YES1: variants seen among roughly 807,000 people sequenced by gnomAD.
YES1 encodes the protein tyrosine-protein kinase Yes.
A neutral mutation model predicts 70.4 loss-of-function variants in YES1; 39 were observed. The ratio of observed to expected loss-of-function variants is 0.55; its 90% confidence interval spans 0.43 to 0.72. YES1 has a LOEUF of 0.72. Ranked by LOEUF, YES1 falls within the 30% of genes least tolerant of loss-of-function variation. The pLI, the probability that YES1 is intolerant of heterozygous loss-of-function variation, is 0.00. For missense variants in YES1, 495 were observed against 644.8 expected (o/e 0.77, Z 2.52); for synonymous variants, 198 against 218.6 (o/e 0.91, Z 0.83).
chr18:762,095 C>T (rs551956902), intron 1 of YES1, among the ~76,000 whole-genome samples: 1 of 137,290 alleles, frequency 7.3e-6, no homozygotes, highest in East Asian at 2.1e-4. Context: ...CCAGGGTGGG[C>T]GGATCACCTG....
At chr18:776,350 C>G (rs1314424348) in intron 1 of YES1, among the ~76,000 whole-genome samples, 1 of 152,098 alleles carries the variant, frequency 6.6e-6, no homozygotes, top group Non-Finnish European at 1.5e-5. Flanking sequence ...CATGCCACCA[C>G]GCCTGGCCAA....
chr18:756,782 A>AT lies in YES1; in HGVS notation c.45dup (p.Tyr16IlefsTer4). 1.2e-6 allele frequency: 2 copies of AT among 1,614,172 alleles called. No homozygotes were observed. The highest frequency in any genetic ancestry group is 1.7e-6 in the Non-Finnish European group (2 of 1,180,020). On this transcript the variant is annotated frameshift_variant, in exon 2 of 12. Coordinates refer to ENST00000314574, the MANE Select transcript of YES1 (RefSeq NM_005433.4). LOFTEE classifies it high-confidence loss of function. ...GGCTCTGGAGTATTTTCAGGTCTGT[A>AT]TTTAATGGCTGGACTTTTGTTTTCT...
chr18:756,499 T>C (rs540086231), intron 2 of YES1, 58 bp downstream of exon 2: 3 of 1,584,388 alleles, frequency 1.9e-6, no homozygotes, highest in Non-Finnish European at 2.6e-6. Context: ...GCCTTAAGTA[T>C]ATATTACCCA....
chr18:731,929 T>G lies in YES1; in HGVS notation c.1423+905A>C, dbSNP rs1429601020. Reference sequence around the variant, plus strand: ...CTGCAGTGAGCTGAGATCGTGCCACTGCACTCCAGCCTGGGCGACAGAGCG... The same window carrying G: ...CTGCAGTGAGCTGAGATCGTGCCACGGCACTCCAGCCTGGGCGACAGAGCG... On this transcript the variant is annotated intron_variant, in intron 11 of 11. Coordinates refer to ENST00000314574, the MANE Select transcript of YES1 (RefSeq NM_005433.4). Among the ~76,000 whole-genome samples the G allele has an allele frequency of 3.9e-5, 5 of 128,016 alleles. No individual in the cohort carries two copies. In the East Asian group the frequency reaches 1.2e-3, roughly 32 times the overall value. 84.0% of individuals were successfully genotyped at this position (128,016 alleles called of 152,430 possible).
chr18:746,298 G>A lies in YES1; in HGVS notation c.471-247C>T, dbSNP rs140865222. On this transcript the variant is annotated intron_variant, in intron 4 of 11. Coordinates refer to ENST00000314574, the MANE Select transcript of YES1 (RefSeq NM_005433.4). ...CAATGTGTCTCTCAAAACTCCACCT[G>A]ACAGTCACAGGAACAGTAGAGAGGG... 6.4e-4 allele frequency among the ~76,000 whole-genome samples: 98 copies of A among 152,208 alleles called. 1 individual carries two copies. Among genetic ancestry groups the A allele is most frequent in the Admixed American group, 1.4e-3 (22 of 15,292 alleles).
At chr18:781,414 G>C (rs1193186677) in intron 1 of YES1, among the ~76,000 whole-genome samples, 1 of 151,792 alleles carries the variant, frequency 6.6e-6, no homozygotes, top group Non-Finnish European at 1.5e-5. Flanking sequence ...CGCTTGGCTT[G>C]TGACTACTCA....
intron 1 of YES1, among the ~76,000 whole-genome samples, chr18:771,549 A>C (rs1394536304): frequency 6.6e-6 from 1 of 152,134 alleles, no homozygotes; most frequent in Non-Finnish European, 1.5e-5. Context: ...TTTACATTTC[A>C]AGAAAGAAAA....
chr18:732,445 A>C (rs995404227), intron 11 of YES1, among the ~76,000 whole-genome samples: 1 of 144,952 alleles, frequency 6.9e-6, no homozygotes, highest in Non-Finnish European at 1.5e-5. Context: ...TAAAAAAAAA[A>C]AAAAAAAAAA....
chr18:742,399 G>T (rs1213103874), intron 8 of YES1, among the ~76,000 whole-genome samples: 1 of 151,362 alleles, frequency 6.6e-6, no homozygotes, highest in East Asian at 1.9e-4. Context: ...AGGGAGGACT[G>T]CCTGAGGCCA....
At chr18:800,772 A>C (rs1906779712) in intron 1 of YES1, among the ~76,000 whole-genome samples, 1 of 152,142 alleles carries the variant, frequency 6.6e-6, no homozygotes, top group African/African-American at 2.4e-5. Context: ...ACAAGGCTGG[A>C]GGTGGTGGCT....
intron 2 of YES1, 61 bp downstream of exon 2, chr18:756,496 G>C: frequency 6.3e-7 from 1 of 1,582,442 alleles, no homozygotes; most frequent in Non-Finnish European, 8.6e-7. Flanking sequence ...CAAGCCTTAA[G>C]TATATATTAC....
At chr18:796,675 T>C (rs985042193) in intron 1 of YES1, among the ~76,000 whole-genome samples, 6 of 152,096 alleles carry the variant, frequency 3.9e-5, no homozygotes, top group African/African-American at 1.4e-4. Context: ...GGAGAATCAC[T>C]TGAACCCGGG....
chr18:792,614 C>CAT (rs1217260146), intron 1 of YES1, among the ~76,000 whole-genome samples: 1 of 149,018 alleles, frequency 6.7e-6, no homozygotes, highest in African/African-American at 2.5e-5. Context: ...TATATACATA[C>CAT]ATATATATAC....
chr18:745,355 G>C (rs532315037), intron 6 of YES1, among the ~76,000 whole-genome samples: 1 of 152,274 alleles, frequency 6.6e-6, no homozygotes, highest in African/African-American at 2.4e-5. Context: ...TAATCCTTCT[G>C]ACATAGCTTT....
At chr18:756,049 T>A (rs574377415) in intron 2 of YES1, among the ~76,000 whole-genome samples, 1 of 152,206 alleles carries the variant, frequency 6.6e-6, no homozygotes, top group Non-Finnish European at 1.5e-5. Context: ...ACTTACTATC[T>A]GTGACTTGGG....
Position 723,070 on chromosome 18 carries a change from C to A in YES1, c.*1354G>T, listed in dbSNP as rs17551255. ...TCGCGCCACTGCACTCCAGCCTGGG[C>A]GACAGAGCGAGACTCCGTCTCAAAA... is the stretch of plus-strand genomic sequence containing the variant. On this transcript the variant is annotated 3_prime_UTR_variant, in exon 12 of 12. Transcript: ENST00000314574. The A allele has an allele frequency of 1.3e-5, 2 of 151,924 alleles. No individual in the cohort carries two copies. Among genetic ancestry groups the A allele is most frequent in the East Asian group, 1.9e-4 (1 of 5,146 alleles). 9.4% of individuals were successfully genotyped at this position (151,924 alleles called of 1,614,324 possible).
chr18:749,858 CAAAA>C (rs5822576), intron 3 of YES1, among the ~76,000 whole-genome samples: 2 of 116,536 alleles, frequency 1.7e-5, no homozygotes, highest in South Asian at 2.7e-4. Flanking sequence ...GACTCCGTCT[CAAAA>C]AAAAAAAAAA....
At chr18:739,582 C>A (rs1306698623) in intron 9 of YES1, 153 bp downstream of exon 9, 2 of 584,424 alleles carry the variant, frequency 3.4e-6, no homozygotes, top group East Asian at 6.5e-5. Context: ...GCATTCCACC[C>A]TGGGTGACAG....
At chr18:725,079 A>T (rs2080001332) in intron 11 of YES1, among the ~76,000 whole-genome samples, 1 of 152,238 alleles carries the variant, frequency 6.6e-6, no homozygotes, top group Admixed American at 6.5e-5. Context: ...ATAACTTTAT[A>T]TTGAATTACT....
Sources: allele counts gnomAD v4.1 joint callset (sites outside exome capture counted in the v4.1 genomes callset), GRCh38; gene constraint gnomAD v4.1.1; transcripts MANE v1.5; gene names NCBI Gene and HGNC (gene_info 2026-07-23, HGNC 2026-07-21).